TUSC3: variants seen among roughly 807,000 people sequenced by gnomAD.
The protein encoded by TUSC3 is tumor suppressor candidate 3, also known as dolichyl-diphosphooligosaccharide--protein glycosyltransferase subunit TUSC3.
In TUSC3, 45 loss-of-function variants were observed where a neutral mutation model predicts 44.8. The observed-to-expected ratio is 1.00, with a 90% CI of 0.79 to 1.29. TUSC3 has a LOEUF of 1.29. Among genes scored for constraint, TUSC3 ranks in the 50% most tolerant of loss-of-function variants. The pLI is 0.00. For missense variants in TUSC3, 519 were observed against 437.9 expected (o/e 1.19, Z -1.65); for synonymous variants, 212 against 152.9 (o/e 1.39, Z -2.85).
In TUSC3 at chr8:15,711,726, T is replaced by C. The variant is rs1481141735; in HGVS notation, c.799-18940T>C. Among the ~76,000 whole-genome samples the C allele has an allele frequency of 2.0e-5, 3 of 151,824 alleles. No individual in the cohort carries two copies. In the East Asian group the frequency reaches 5.8e-4, roughly 29 times the overall value. On this transcript the variant is annotated intron_variant, in intron 6 of 10. Coordinates refer to ENST00000503731, the MANE Select transcript of TUSC3 (RefSeq NM_006765.4). ...ATAACTTCTTGTGAACAATAGTATC[T>C]TGATTGTTTATATCCATAAAGATAA...
At chr8:15,497,271 C>T (rs1447295736) in intron 2 of TUSC3, among the ~76,000 whole-genome samples, 4 of 152,102 alleles carry the variant, frequency 2.6e-5, no homozygotes, top group African/African-American at 9.7e-5. Flanking sequence ...CAATTCCCAC[C>T]GGGTGATTTA....
chr8:15,558,949 A>C (rs1255122313), intron 1 of TUSC3, among the ~76,000 whole-genome samples: 2 of 150,694 alleles, frequency 1.3e-5, no homozygotes, highest in African/African-American at 4.9e-5. Context: ...CTTTCAAAAA[A>C]CCAGCTCCTG....
chr8:15,437,471 T>G (rs1180288198), intron 1 of TUSC3, among the ~76,000 whole-genome samples: 2 of 152,206 alleles, frequency 1.3e-5, no homozygotes, highest in Non-Finnish European at 2.9e-5. Flanking sequence ...TTAGAGCTTC[T>G]ACTATTAATA....
At chr8:15,455,710 C>G (rs1800248799) in intron 1 of TUSC3, among the ~76,000 whole-genome samples, 2 of 152,192 alleles carry the variant, frequency 1.3e-5, no homozygotes. Context: ...CTGATCCAGC[C>G]AAACCCTCTC....
At chr8:15,437,647 T>G (rs1043441761) in intron 1 of TUSC3, among the ~76,000 whole-genome samples, 44 of 152,298 alleles carry the variant, frequency 2.9e-4, no homozygotes, top group African/African-American at 9.9e-4. Context: ...AAAAGGTATA[T>G]GTATAACTAA....
chr8:15,763,181 A>G (rs975415495), intron 10 of TUSC3, among the ~76,000 whole-genome samples: 2 of 151,894 alleles, frequency 1.3e-5, no homozygotes, highest in African/African-American at 2.4e-5. Flanking sequence ...TTTAAAATAC[A>G]TATTTATTCT....
chr8:15,840,356 C>T, the TUSC3 span, among the ~76,000 whole-genome samples: 2 of 151,948 alleles, frequency 1.3e-5, no homozygotes, highest in Non-Finnish European at 1.5e-5. Flanking sequence ...TACACATGTA[C>T]CCTAGAACTT....
chr8:15,465,917 G>C (rs1489210728), intron 1 of TUSC3, among the ~76,000 whole-genome samples: 1 of 152,116 alleles, frequency 6.6e-6, no homozygotes, highest in East Asian at 1.9e-4. Flanking sequence ...GCGGTCCCTA[G>C]TTCATCGTGA....
chr8:15,555,756 G>A (rs111456247), intron 1 of TUSC3, among the ~76,000 whole-genome samples: 1 of 151,400 alleles, frequency 6.6e-6, no homozygotes, highest in African/African-American at 2.4e-5. Context: ...AAAGAATCTT[G>A]TAGAAGTTTA....
intron 2 of TUSC3, among the ~76,000 whole-genome samples, chr8:15,528,170 ACTCAG>A (rs367585588): frequency 2.3e-4 from 35 of 152,166 alleles, no homozygotes; most frequent in African/African-American, 7.7e-4. Context: ...TATAAAAAAT[ACTCAG>A]CTCAGCATTT....
At chr8:15,628,564 A>C (rs1414920461) in intron 2 of TUSC3, among the ~76,000 whole-genome samples, 1 of 152,186 alleles carries the variant, frequency 6.6e-6, no homozygotes, top group Non-Finnish European at 1.5e-5. Flanking sequence ...ATAGTTAGAG[A>C]AGAAAGAACA....
intron 1 of TUSC3, among the ~76,000 whole-genome samples, chr8:15,443,542 C>G (rs931366479): frequency 6.6e-6 from 1 of 152,064 alleles, no homozygotes; most frequent in Non-Finnish European, 1.5e-5. Flanking sequence ...TAACCGAATC[C>G]ATCTTGCTTC....
At chr8:15,581,545 C>A (rs978044516) in intron 1 of TUSC3, among the ~76,000 whole-genome samples, 2 of 148,164 alleles carry the variant, frequency 1.3e-5, no homozygotes, top group African/African-American at 2.5e-5. Flanking sequence ...CAGACAGGAC[C>A]CTCAGCTGCA....
intron 6 of TUSC3, among the ~76,000 whole-genome samples, chr8:15,696,935 G>C (rs1289173558): frequency 6.6e-6 from 1 of 151,758 alleles, no homozygotes; most frequent in Non-Finnish European, 1.5e-5. Context: ...ACTTTTTTTT[G>C]TTGGTAATTT....
intron 1 of TUSC3, among the ~76,000 whole-genome samples, chr8:15,449,736 A>G (rs1395597296): frequency 6.6e-6 from 1 of 151,896 alleles, no homozygotes; most frequent in African/African-American, 2.4e-5. Flanking sequence ...ATTAATTTTT[A>G]TTTTTCATCA....
intron 1 of TUSC3, among the ~76,000 whole-genome samples, chr8:15,556,884 A>G (rs1303517579): frequency 6.9e-6 from 1 of 144,490 alleles, no homozygotes; most frequent in Non-Finnish European, 1.5e-5. Flanking sequence ...GTTTGAGTTC[A>G]TTGTAGATTC....
chr8:15,428,978 C>T (rs905458917), intron 1 of TUSC3, among the ~76,000 whole-genome samples: 2 of 152,138 alleles, frequency 1.3e-5, no homozygotes, highest in Non-Finnish European at 2.9e-5. Context: ...AGTTTAATTA[C>T]ATCCCATTTG....
chr8:15,659,518 C>G lies in TUSC3; in HGVS notation c.438C>G (p.Asn146Lys). The G allele has an allele frequency of 6.2e-7, 1 of 1,612,662 alleles. No individual in the cohort carries two copies. Among genetic ancestry groups the G allele is most frequent in the Non-Finnish European group, 8.5e-7 (1 of 1,179,544 alleles). Residue 146 changes from asparagine (N) to lysine (K), a missense_variant, in exon 4 of 11, where the codon AAC (asparagine) becomes AAG (lysine). Physicochemically the swap from Asn to Lys is moderately conservative, Grantham distance 94. Coordinates refer to ENST00000503731, the MANE Select transcript of TUSC3 (RefSeq NM_006765.4). ...CTCATGTTTTACAGCTCAACATGAACTCTGCTCCTACATTCATGCATTTTC... is the reference window on the plus strand; with the variant it reads ...CTCATGTTTTACAGCTCAACATGAAGTCTGCTCCTACATTCATGCATTTTC... Reference protein sequence around the residue: ...GTDVFQQLNMNSAPTFMHFPP... With the variant: ...GTDVFQQLNMKSAPTFMHFPP...
chr8:15,573,350 A>G (rs2129144049), intron 1 of TUSC3, among the ~76,000 whole-genome samples: 1 of 151,152 alleles, frequency 6.6e-6, no homozygotes, highest in East Asian at 2.0e-4. Flanking sequence ...TACCAGTTTT[A>G]ACCTTACTGG....
Sources: allele counts gnomAD v4.1 joint callset (sites outside exome capture counted in the v4.1 genomes callset), GRCh38; gene constraint gnomAD v4.1.1; transcripts MANE v1.5; gene names NCBI Gene and HGNC (gene_info 2026-07-23, HGNC 2026-07-21).